Variants in NR5A2 observed in about 807,000 individuals in gnomAD.
NR5A2 encodes nuclear receptor subfamily 5 group A member 2.
NR5A2 carries 26 observed loss-of-function variants against 62.7 expected under a neutral mutation model. The observed-to-expected ratio is 0.41, with a 90% CI of 0.30 to 0.58. The LOEUF is 0.58. Ranked by LOEUF, NR5A2 falls within the 20% of genes least tolerant of loss-of-function variation. NR5A2 has a pLI of 0.22. For missense variants in NR5A2, 541 were observed against 669.1 expected, an observed-to-expected ratio of 0.81 and a Z score of 2.11; for synonymous variants, 246 against 241.7, an observed-to-expected ratio of 1.02 and a Z score of -0.16.
At chr1:200,037,306 T>A (rs1661823467) in intron 1 of NR5A2, among the ~76,000 whole-genome samples, 1 of 152,108 alleles carries the variant, frequency 6.6e-6, no homozygotes, top group Non-Finnish European at 1.5e-5. Context: ...CTCTCCTAAC[T>A]TCCCCCGGCT....
intron 1 of NR5A2, among the ~76,000 whole-genome samples, chr1:200,031,571 CTTTT>C (rs530174677): frequency 2.2e-4 from 20 of 89,528 alleles, no homozygotes; most frequent in South Asian, 1.1e-3. Flanking sequence ...TCTTTAACAC[CTTTT>C]TTTTTTTTTT....
At chr1:200,051,166 A>G (rs552024044) in intron 5 of NR5A2, among the ~76,000 whole-genome samples, 1 of 152,326 alleles carries the variant, frequency 6.6e-6, no homozygotes, top group East Asian at 1.9e-4. Flanking sequence ...TTCCTCTCAG[A>G]GTTTATAATA....
chr1:200,068,820 A>T (rs1663614512), intron 5 of NR5A2, among the ~76,000 whole-genome samples: 1 of 151,954 alleles, frequency 6.6e-6, no homozygotes, highest in African/African-American at 2.4e-5. Flanking sequence ...GGCTAGGAGG[A>T]GGTAGAAATA....
chr1:200,118,663 G>A (rs1666351944), intron 6 of NR5A2, among the ~76,000 whole-genome samples: 1 of 152,148 alleles, frequency 6.6e-6, no homozygotes, highest in Admixed American at 6.5e-5. Flanking sequence ...AGTAAAATTT[G>A]TATTATTATT....
intron 5 of NR5A2, among the ~76,000 whole-genome samples, chr1:200,060,404 G>T (rs184057129): frequency 3.3e-4 from 50 of 152,280 alleles, no homozygotes; most frequent in Admixed American, 7.2e-4. Flanking sequence ...ATTTCTATCT[G>T]TCCTTCCACT....
At chr1:200,164,758 G>C (rs1431483660) in intron 7 of NR5A2, among the ~76,000 whole-genome samples, 1 of 151,490 alleles carries the variant, frequency 6.6e-6, no homozygotes, top group Non-Finnish European at 1.5e-5. Flanking sequence ...ATGTTGGCCA[G>C]GCTGGTCTTA....
chr1:200,111,169 T>G, intron 5 of NR5A2, 33 bp from the exon 6 acceptor site: 1 of 1,600,750 alleles, frequency 6.2e-7, no homozygotes, highest in Non-Finnish European at 8.5e-7. Context: ...ATTTTTTGTT[T>G]TTTTTGTTTG....
chr1:200,076,592 T>C (rs1664052663), intron 5 of NR5A2, among the ~76,000 whole-genome samples: 2 of 152,162 alleles, frequency 1.3e-5, no homozygotes, highest in African/African-American at 4.8e-5. Flanking sequence ...CTAAAAGGAG[T>C]GACTAATTTA....
At chr1:200,057,070 CT>C (rs1314837208) in intron 5 of NR5A2, among the ~76,000 whole-genome samples, 1 of 152,170 alleles carries the variant, frequency 6.6e-6, no homozygotes, top group African/African-American at 2.4e-5. Flanking sequence ...CTACGATGAC[CT>C]TCTCTAATTA....
At chr1:200,106,638 ACT>A (rs1431516216) in intron 5 of NR5A2, among the ~76,000 whole-genome samples, 3 of 152,210 alleles carry the variant, frequency 2.0e-5, no homozygotes, top group Admixed American at 6.5e-5. Flanking sequence ...TCTTCCCAGA[ACT>A]GCCTAGATGC....
Position 200,039,309 on chromosome 1 carries a change from G to C in NR5A2, c.65-349G>C, listed in dbSNP as rs1661935473. Among the ~76,000 whole-genome samples, 1 of 152,046 alleles carries C rather than the reference G, an allele frequency of 6.6e-6. No individual in the cohort carries two copies. The highest frequency in any genetic ancestry group is 2.1e-4 in the South Asian group (1 of 4,832). On this transcript the variant is annotated intron_variant, in intron 1 of 7. Coordinates refer to ENST00000367362, the MANE Select transcript of NR5A2 (RefSeq NM_205860.3). This position sits in a 1 kb window ranked among gnomAD's most constrained non-coding sequence, Gnocchi z 5.1. ...CAGTGGCAGCGGCACAGCCGGGGCG[G>C]CAATAGCAGCCCCGCGGTCGCCTCC...
In NR5A2 at chr1:200,048,651, G is replaced by A. The variant is rs1484680700; in HGVS notation, c.943G>A (p.Glu315Lys). 10 of 1,614,088 alleles carry A rather than the reference G, an allele frequency of 6.2e-6. No homozygotes were observed. Among genetic ancestry groups the A allele is most frequent in the African/African-American group, 1.3e-5 (1 of 74,928 alleles). Residue 315 changes from glutamate (E) to lysine (K), a missense_variant, in exon 5 of 8, where the codon GAG becomes AAG. Physicochemically the swap from Glu to Lys is moderately conservative, Grantham distance 56. Around this residue, in one of 3 missense-constraint regions of NR5A2, gnomAD observed 379 missense variants for 442.0 expected, o/e 0.86. Coordinates refer to ENST00000367362, the MANE Select transcript of NR5A2 (RefSeq NM_205860.3). This position sits in a 1 kb window ranked among gnomAD's most constrained non-coding sequence, Gnocchi z 4.8. ...GGAACTTTTGAAGTGTGAGCCAGATGAGCCTCAAGTCCAGGCTAAAATCAT... is the reference window on the plus strand; with the variant it reads ...GGAACTTTTGAAGTGTGAGCCAGATAAGCCTCAAGTCCAGGCTAAAATCAT... ...ILELLKCEPDEPQVQAKIMAY... is the reference protein window; with the variant it reads ...ILELLKCEPDKPQVQAKIMAY...
intron 5 of NR5A2, among the ~76,000 whole-genome samples, chr1:200,089,109 C>A (rs999057248): frequency 2.6e-5 from 4 of 152,226 alleles, no homozygotes; most frequent in Admixed American, 6.5e-5. Context: ...GCCATACTTT[C>A]TCTCGCAAAC....
chr1:200,039,521 AG>A lies in NR5A2; in HGVS notation c.65-134del. ...CGGCTCCGGAGCTGCGAGACCGGACAGGGCTCAGAGGTCCTGCCCGGCAGCC... is the reference window on the plus strand; with the variant it reads ...CGGCTCCGGAGCTGCGAGACCGGACAGGCTCAGAGGTCCTGCCCGGCAGCC... On this transcript the variant is annotated intron_variant, in intron 1 of 7. Coordinates refer to ENST00000367362, the MANE Select transcript of NR5A2 (RefSeq NM_205860.3). This position sits in a 1 kb window ranked among gnomAD's most constrained non-coding sequence, Gnocchi z 5.1. 1 of 1,210,766 alleles carries A rather than the reference AG, an allele frequency of 8.3e-7. No homozygotes were observed. Among genetic ancestry groups the A allele is most frequent in the Non-Finnish European group, 1.2e-6 (1 of 861,410 alleles). 75.0% of individuals were successfully genotyped at this position (1,210,766 alleles called of 1,614,324 possible). A position where few individuals can be genotyped will look rare whatever the true frequency, so the allele number is the denominator to read the frequency against.
At chr1:200,043,749 GT>G (rs773659704) in intron 2 of NR5A2, 24 bp from the exon 3 acceptor site, 1 of 1,430,750 alleles carries the variant, frequency 7.0e-7, no homozygotes, top group African/African-American at 1.4e-5. Context: ...TTGAATATGT[GT>G]ATACATTTCT....
intron 5 of NR5A2, among the ~76,000 whole-genome samples, chr1:200,103,046 G>T (rs1236010679): frequency 6.6e-6 from 1 of 151,124 alleles, no homozygotes; most frequent in African/African-American, 2.4e-5. Flanking sequence ...TTTCCTCATT[G>T]GTAAAATGAG....
chr1:200,033,437 G>A (rs1365049199), intron 1 of NR5A2, among the ~76,000 whole-genome samples: 1 of 149,834 alleles, frequency 6.7e-6, no homozygotes, highest in Non-Finnish European at 1.5e-5. Flanking sequence ...ACCCAGCTGT[G>A]CCTCTTGCAG....
Position 200,093,413 on chromosome 1 carries a change from A to G in NR5A2, c.1111-17789A>G, listed in dbSNP as rs1664911853. 2.0e-5 allele frequency among the ~76,000 whole-genome samples: 3 copies of G among 152,300 alleles called. No individual in the cohort carries two copies. The South Asian group carries it at 6.2e-4, about 32-fold the overall frequency. On this transcript the variant is annotated intron_variant, in intron 5 of 7. Transcript: ENST00000367362. ...ACTAATTCCTTGAAGAAATGGGCCA[A>G]AATAATTCTAGAAATGAGGTAGAAA...
chr1:200,173,858 TATGTCAAAA>T (rs1384538262), intron 7 of NR5A2, 96 bp from the exon 8 acceptor site: 1 of 1,200,696 alleles, frequency 8.3e-7, no homozygotes, highest in East Asian at 2.8e-5. Context: ...AAAGTATGTT[TATGTCAAAA>T]GGAAAATACA....
Sources: gnomAD v4.1 joint callset for allele counts (sites outside exome capture counted in the v4.1 genomes callset) on GRCh38, gnomAD v4.1.1 for gene constraint, gnomAD v4.1.1 regional missense constraint, Gnocchi (gnomAD v3.1) non-coding constraint, MANE v1.5 for transcripts, NCBI Gene and HGNC (gene_info 2026-07-23, HGNC 2026-07-21) for gene names.